PPP1R12C: variants seen among roughly 807,000 people sequenced by gnomAD.
The protein encoded by PPP1R12C is protein phosphatase 1 regulatory subunit 12C.
PPP1R12C carries 48 observed loss-of-function variants against 95.6 expected under a neutral mutation model. That is an observed-to-expected ratio of 0.50 (90% CI 0.40 to 0.64). The LOEUF (loss-of-function observed/expected upper bound fraction) is 0.64, where lower values mean the gene tolerates loss of function less well. Among genes scored for constraint, PPP1R12C ranks in the 30% least tolerant of loss-of-function variants. PPP1R12C has a pLI of 0.00. For missense variants in PPP1R12C, 1,057 were observed against 1,083.3 expected, an observed-to-expected ratio of 0.98 and a Z score of 0.34; for synonymous variants, 480 against 460.8, an observed-to-expected ratio of 1.04 and a Z score of -0.53.
At chr19:55,113,283 G>A in intron 1 of PPP1R12C, 2 of 788,646 alleles carry the variant, frequency 2.5e-6, no homozygotes, top group South Asian at 2.7e-5. Flanking sequence ...TACTCTGCAG[G>A]AACGAAGCCG....
chr19:55,107,161 C>T (rs964602533), intron 3 of PPP1R12C, among the ~76,000 whole-genome samples: 1 of 152,060 alleles, frequency 6.6e-6, no homozygotes, highest in African/African-American at 2.4e-5. Flanking sequence ...CGCCTGTAAT[C>T]CCAGCACTTT....
At chr19:55,104,581 T>C (rs12610698) in intron 3 of PPP1R12C, among the ~76,000 whole-genome samples, 33,373 of 151,510 alleles carry the variant, frequency 0.22, 4,482 homozygotes, top group Non-Finnish European at 0.29. Flanking sequence ...CTTATGCCTG[T>C]AATCCCAGTT....
At chr19:55,116,839 C>T (rs1385886618) in intron 1 of PPP1R12C, among the ~76,000 whole-genome samples, 1 of 152,036 alleles carries the variant, frequency 6.6e-6, no homozygotes, top group East Asian at 1.9e-4. Context: ...GCTGGAGGGG[C>T]TCAACATCGG....
Position 55,091,879 on chromosome 19 carries a change from G to T in PPP1R12C, c.2191C>A (p.Leu731Ile). The change falls in exon 20 of 22, where the codon CTC becomes ATC. Residue 731 changes from leucine to isoleucine, a missense_variant. Coordinates refer to ENST00000263433, the MANE Select transcript of PPP1R12C (RefSeq NM_017607.4). ...RQERFAERPALLELERFERRA... is the reference protein window; with the variant it reads ...RQERFAERPAILELERFERRA... ...CTCACGAATCTCTCCAGTTCCAGGA[G>T]GGCTGGCCTCTCAGCGAAGCGTTCT... 1 of 1,613,364 alleles carries T rather than the reference G, an allele frequency of 6.2e-7. No individual in the cohort carries two copies. The highest frequency in any genetic ancestry group is 8.5e-7 in the Non-Finnish European group (1 of 1,180,006).
At chr19:55,112,908 T>C (rs1002222200) in intron 1 of PPP1R12C, 113 bp from the exon 2 acceptor site, 6 of 1,430,672 alleles carry the variant, frequency 4.2e-6, no homozygotes, top group Non-Finnish European at 4.8e-6. Context: ...GCTAGGACAG[T>C]GGGGAAAATG....
rs1602978838 is a variant in PPP1R12C, at chr19:55,096,332, G to A, written c.955C>T (p.Arg319Trp). ...CTCTGGGAAGCTTCTTTTTGGTTCC[G>A]AAGCTGCAAGGAGGGAAGGGGGCTG... ...EELARKQEDL[R>W]NQKEASQSRG... The change falls in exon 7 of 22, where the codon CGG (arginine) becomes TGG (tryptophan). Residue 319 changes from arginine to tryptophan, a missense_variant. Arg to Trp is a moderately radical substitution (Grantham distance 101). Transcript: ENST00000263433. The A allele has an allele frequency of 4.3e-6, 7 of 1,613,370 alleles. No individual in the cohort carries two copies. Among genetic ancestry groups the A allele is most frequent in the Non-Finnish European group, 2.5e-6 (3 of 1,179,840 alleles).
chr19:55,096,258 A>T lies in PPP1R12C; in HGVS notation c.1025+4T>A. 6.2e-7 allele frequency: 1 copy of T among 1,613,842 alleles called. No homozygotes were observed. Among genetic ancestry groups the T allele is most frequent in the Admixed American group, 1.7e-5 (1 of 60,008 alleles). On this transcript the variant is annotated splice_donor_region_variant and intron_variant, in intron 7 of 21. Coordinates refer to ENST00000263433, the MANE Select transcript of PPP1R12C (RefSeq NM_017607.4). ...GCCAGCCCTGGACTCCTCCCTCCCT[A>T]TACCTTCTGTGTTTGCTGCTAGAGG...
intron 11 of PPP1R12C, 118 bp from the exon 12 acceptor site, chr19:55,094,916 C>G: frequency 8.3e-7 from 1 of 1,197,884 alleles, no homozygotes; most frequent in Non-Finnish European, 1.2e-6. Context: ...CAGAGCTGAG[C>G]AGAAATACAC....
At chr19:55,115,703 C>T (rs1301527973) in intron 1 of PPP1R12C, among the ~76,000 whole-genome samples, 2 of 152,210 alleles carry the variant, frequency 1.3e-5, no homozygotes, top group East Asian at 3.9e-4. Context: ...GACCCAATAT[C>T]AGGAGACTAG....
intron 1 of PPP1R12C, among the ~76,000 whole-genome samples, chr19:55,116,731 C>A (rs1309135140): frequency 2.0e-5 from 3 of 152,110 alleles, no homozygotes; most frequent in Non-Finnish European, 4.4e-5. Flanking sequence ...CGCAAAGTGA[C>A]AATGGCCAGG....
chr19:55,113,541 G>C lies in PPP1R12C; in HGVS notation c.322-746C>G, dbSNP rs1170510684. On this transcript the variant is annotated intron_variant, in intron 1 of 21. Coordinates refer to ENST00000263433, the MANE Select transcript of PPP1R12C (RefSeq NM_017607.4). ...GGGGGACAAAAGCCGAAGTCCAGGG[G>C]GTCGGAGGAGGGACTTGCCCCAGGC... The C allele has an allele frequency of 7.3e-6, 10 of 1,366,716 alleles. No homozygotes were observed. In the Admixed American group the frequency reaches 2.2e-4, roughly 31 times the overall value. The allele number at this position is 1,366,716 out of a possible 1,614,324, so 84.7% of individuals were successfully genotyped here.
intron 4 of PPP1R12C, 68 bp downstream of exon 4, chr19:55,103,341 G>C: frequency 2.3e-6 from 3 of 1,330,486 alleles, no homozygotes; most frequent in Non-Finnish European, 2.9e-6. Context: ...CATTTAAAAA[G>C]AAAGGGAAAG....
At position 55,092,667 on chromosome 19, in the gene PPP1R12C, G is replaced by A. The variant is rs770168991; in HGVS notation, c.1912-5C>T. On this transcript the variant is annotated splice_polypyrimidine_tract_variant and splice_region_variant and intron_variant, in intron 16 of 21. Transcript: ENST00000263433. Reference sequence around the variant, plus strand: ...AGCCGGCTCCGCCTCCTCCCCCTGTGGGCAGGTAGACGGGGGTTCAATGGG... The same window carrying A: ...AGCCGGCTCCGCCTCCTCCCCCTGTAGGCAGGTAGACGGGGGTTCAATGGG... 63 of 1,531,788 alleles carry A rather than the reference G, an allele frequency of 4.1e-5. No individual in the cohort carries two copies. In the South Asian group the frequency reaches 7.6e-4, roughly 18 times the overall value. 94.9% of individuals were successfully genotyped at this position (1,531,788 alleles called of 1,614,324 possible).
intron 6 of PPP1R12C, among the ~76,000 whole-genome samples, chr19:55,097,649 C>T (rs34684670): frequency 0.4 from 49,958 of 124,400 alleles, 11,277 homozygotes; most frequent in Non-Finnish European, 0.5. Context: ...ACCCCTTCCC[C>T]GCAGTTCACC....
chr19:55,096,337 T>C lies in PPP1R12C; in HGVS notation c.952-2A>G. ...GGAAGCTTCTTTTTGGTTCCGAAGCTGCAAGGAGGGAAGGGGGCTGCAGGG... is the reference window on the plus strand; with the variant it reads ...GGAAGCTTCTTTTTGGTTCCGAAGCCGCAAGGAGGGAAGGGGGCTGCAGGG... On this transcript the variant is annotated splice_acceptor_variant, in intron 6 of 21. Transcript: ENST00000263433. LOFTEE classifies it high-confidence loss of function. The C allele has an allele frequency of 6.2e-7, 1 of 1,613,260 alleles. No homozygotes were observed. Among genetic ancestry groups the C allele is most frequent in the Non-Finnish European group, 8.5e-7 (1 of 1,179,830 alleles).
chr19:55,094,378 G>T lies in PPP1R12C; in HGVS notation c.1650C>A (p.Ser550=). 1 of 1,613,036 alleles carries T rather than the reference G, an allele frequency of 6.2e-7. No homozygotes were observed. Among genetic ancestry groups the T allele is most frequent in the East Asian group, 2.2e-5 (1 of 44,842 alleles). Reference sequence around the variant, plus strand: ...ACCTCCGAGACTGGCGCATGAGACGGGAGCGAGCTTTTCTCTGGGATTCCG... The same window carrying T: ...ACCTCCGAGACTGGCGCATGAGACGTGAGCGAGCTTTTCTCTGGGATTCCG... ...EESESQRKAR[S]RLMRQSRRST... The change falls in exon 13 of 22, where the codon TCC becomes TCA. Residue 550 remains serine (S), a synonymous_variant. Transcript: ENST00000263433.
In PPP1R12C at chr19:55,112,632, G is replaced by A. The variant is rs201884032; in HGVS notation, c.452+33C>T. ...GGCTGAGGGTCCAGGCCCCCACCCC[G>A]ACCAGGTCCTGCCCGGCCCTCCCTT... On this transcript the variant is annotated intron_variant, in intron 2 of 21. Transcript: ENST00000263433. 2.0e-4 allele frequency: 324 copies of A among 1,612,176 alleles called. 1 individual carries two copies. Among genetic ancestry groups the A allele is most frequent in the South Asian group, 6.0e-4 (55 of 91,008 alleles).
chr19:55,113,360 G>T, intron 1 of PPP1R12C: 1 of 1,394,038 alleles, frequency 7.2e-7, no homozygotes, highest in Non-Finnish European at 9.4e-7. Flanking sequence ...GGGCCTGGGC[G>T]GGACTCCCAG....
chr19:55,117,150 G>A (rs1164061202), intron 1 of PPP1R12C, 73 bp downstream of exon 1: 2 of 1,151,394 alleles, frequency 1.7e-6, no homozygotes, highest in Non-Finnish European at 2.2e-6. Flanking sequence ...TGGCAACGGG[G>A]AAGGAGGATG....
Sources: gnomAD v4.1 joint callset for allele counts (sites outside exome capture counted in the v4.1 genomes callset) on GRCh38, gnomAD v4.1.1 for gene constraint, MANE v1.5 for transcripts, NCBI Gene and HGNC (gene_info 2026-07-23, HGNC 2026-07-21) for gene names.